The following USH2A variants were observed in gnomAD, a reference collection of about 807,000 sequenced individuals.
The protein encoded by USH2A is Usher syndrome 2A (autosomal recessive, mild).
A neutral mutation model predicts 538.9 loss-of-function variants in USH2A; 443 were observed. The ratio of observed to expected loss-of-function variants is 0.82; its 90% confidence interval spans 0.76 to 0.89. The LOEUF (loss-of-function observed/expected upper bound fraction) is 0.89. Ranked by LOEUF, USH2A falls within the 40% of genes least tolerant of loss-of-function variation. USH2A has a pLI of 0.00. For synonymous variants in USH2A, 2,413 were observed against 2,273.5 expected (o/e 1.06, Z -1.75); for missense variants, 6,633 against 6,324.8 (o/e 1.05, Z -1.65).
chr1:215,973,585 G>C (rs1215091723), intron 35 of USH2A, among the ~76,000 whole-genome samples: 1 of 150,944 alleles, frequency 6.6e-6, no homozygotes, highest in African/African-American at 2.4e-5. Flanking sequence ...ACCAATTCTT[G>C]TGTCATTGTT....
intron 4 of USH2A, among the ~76,000 whole-genome samples, chr1:216,350,635 A>G (rs1193237132): frequency 1.3e-5 from 2 of 152,078 alleles, no homozygotes; most frequent in African/African-American, 4.8e-5. Flanking sequence ...TATCCAGGGC[A>G]CATTGGTGGG....
Position 216,196,694 on chromosome 1 carries a change from G to A in USH2A, c.4110C>T (p.Val1370=). Residue 1370 remains valine (V), a synonymous_variant, in exon 19 of 72, where the codon GTC becomes GTT. Transcript: ENST00000307340. ...TGAGAGAGTACGAAGAGAGGGGAAAGACTGAAGGAGGGATCATGAATACAG... is the reference window on the plus strand; with the variant it reads ...TGAGAGAGTACGAAGAGAGGGGAAAAACTGAAGGAGGGATCATGAATACAG... ...SAPVFMIPPS[V]FPLSSYSLNI... 1 of 1,613,316 alleles carries A rather than the reference G, an allele frequency of 6.2e-7. No individual in the cohort carries two copies. Among genetic ancestry groups the A allele is most frequent in the Non-Finnish European group, 8.5e-7 (1 of 1,179,590 alleles).
At chr1:215,846,999 A>G (rs1571743827) in intron 44 of USH2A, among the ~76,000 whole-genome samples, 1 of 152,314 alleles carries the variant, frequency 6.6e-6, no homozygotes, top group Non-Finnish European at 1.5e-5. Flanking sequence ...ATGTGTTTCT[A>G]TAATGTAGAG....
rs1663579318 is a variant in USH2A at position 215,838,046 on chromosome 1, C to T, written c.9316G>A (p.Val3106Met). The change falls in exon 47 of 72, where the codon GTG (valine) becomes ATG (methionine). Residue 3106 changes from valine to methionine, a missense_variant. Coordinates refer to ENST00000307340, the MANE Select transcript of USH2A (RefSeq NM_206933.4). ...VKSNGTQITT[V>M]EDTPSDIPTP... ...GGTATATCACTTGGAGTGTCTTCCA[C>T]AGTGGTAATTTGGGTTCCATTGCTT... 6.2e-7 allele frequency: 1 copy of T among 1,613,920 alleles called. No individual in the cohort carries two copies. Among genetic ancestry groups the T allele is most frequent in the Non-Finnish European group, 8.5e-7 (1 of 1,179,960 alleles).
chr1:216,246,792 A>G lies in USH2A; in HGVS notation c.2602T>C (p.Cys868Arg). The stretch of plus-strand genomic sequence containing the variant: ...CCTGTTACCCCTAATTTGCAAGGAC[A>G]TTGTCCTGTTGATTTGTTACACAGC... The part of the protein sequence containing the change: ...SLLCNKSTGQ[C>R]PCKLGVTGLR... The change falls in exon 13 of 72, where the codon TGT (cysteine) becomes CGT (arginine). Residue 868 changes from cysteine to arginine, a missense_variant. Transcript: ENST00000307340. 1.9e-6 allele frequency: 3 copies of G among 1,614,132 alleles called. No homozygotes were observed.
At chr1:215,629,870 G>T (rs1004145692) in intron 70 of USH2A, among the ~76,000 whole-genome samples, 4 of 150,072 alleles carry the variant, frequency 2.7e-5, no homozygotes, top group African/African-American at 4.9e-5. Flanking sequence ...CCGCCTCCCG[G>T]GTTCACGCCA....
chr1:216,298,544 G>C (rs548316004), intron 9 of USH2A, among the ~76,000 whole-genome samples: 13 of 152,214 alleles, frequency 8.5e-5, no homozygotes, highest in African/African-American at 2.9e-4. Flanking sequence ...AATGGTTCTG[G>C]TCCTGCCAAA....
At chr1:216,402,751 G>T (rs1036909920) in intron 3 of USH2A, among the ~76,000 whole-genome samples, 2 of 151,996 alleles carry the variant, frequency 1.3e-5, no homozygotes, top group Admixed American at 1.3e-4. Flanking sequence ...TACATTTTGG[G>T]GTGGTCAAAA....
Position 215,674,292 on chromosome 1 carries a change from A to G in USH2A, c.13619T>C (p.Leu4540Ser). The G allele has an allele frequency of 6.2e-7, 1 of 1,614,088 alleles. No homozygotes were observed. The highest frequency in any genetic ancestry group is 8.5e-7 in the Non-Finnish European group (1 of 1,179,988). The change falls in exon 63 of 72, where the codon TTG becomes TCG. Residue 4540 changes from leucine (L) to serine (S), a missense_variant. Physicochemically the swap from Leu to Ser is moderately radical, Grantham distance 145. Transcript: ENST00000307340. ...SAPSGMEPPK[L>S]QARGPQEILV... ...GATCTCCTGAGGACCCCTGGCCTGC[A>G]ATTTTGGAGGTTCCATCCCTGAGGG...
intron 47 of USH2A, among the ~76,000 whole-genome samples, chr1:215,825,609 T>C (rs1663129475): frequency 6.6e-6 from 1 of 152,180 alleles, no homozygotes. Flanking sequence ...ACCTAAATTG[T>C]TATGGATTAA....
chr1:216,153,303 A>G (rs576844800), intron 21 of USH2A, among the ~76,000 whole-genome samples: 4 of 152,192 alleles, frequency 2.6e-5, no homozygotes, highest in African/African-American at 9.6e-5. Flanking sequence ...GGGAGTCACA[A>G]GCACCCACCC....
chr1:215,682,491 C>T (rs1283829866), intron 61 of USH2A, among the ~76,000 whole-genome samples: 1 of 152,020 alleles, frequency 6.6e-6, no homozygotes, highest in African/African-American at 2.4e-5. Flanking sequence ...TTCAGTCATC[C>T]AACACACTCC....
chr1:216,397,879 G>A (rs2039240329), intron 3 of USH2A, among the ~76,000 whole-genome samples: 1 of 152,146 alleles, frequency 6.6e-6, no homozygotes, highest in Admixed American at 6.6e-5. Flanking sequence ...ATAATGATGT[G>A]AGCAAATTCT....
Position 215,829,330 on chromosome 1 carries a change from T to A in USH2A, c.9371+8661A>T, listed in dbSNP as rs1663247986. 2.0e-5 allele frequency among the ~76,000 whole-genome samples: 3 copies of A among 152,152 alleles called. No individual in the cohort carries two copies. In the South Asian group the frequency reaches 6.2e-4, roughly 31 times the overall value. On this transcript the variant is annotated intron_variant, in intron 47 of 71. Transcript: ENST00000307340. The stretch of plus-strand genomic sequence containing the variant: ...TGAAGATGTAGTCAAAAACAAGGCA[T>A]AAGTTAAGGCCAAAGACAAAGATGA...
chr1:216,232,377 GCAATATTTCAATATTT>G (rs1291134192), intron 13 of USH2A, among the ~76,000 whole-genome samples: 2 of 152,062 alleles, frequency 1.3e-5, no homozygotes, highest in Non-Finnish European at 2.9e-5. Context: ...AATCTACCAT[GCAATATTTCAATATTT>G]CTACAAAAAA....
At chr1:216,201,693 G>C (rs2035004701) in intron 16 of USH2A, 1 of 207,754 alleles carries the variant, frequency 4.8e-6, no homozygotes, top group African/African-American at 2.3e-5. Flanking sequence ...GGTGTTGTGG[G>C]GGGCACCTTG....
chr1:215,717,251 A>C (rs746567229), intron 61 of USH2A, among the ~76,000 whole-genome samples: 1 of 152,204 alleles, frequency 6.6e-6, no homozygotes, highest in Non-Finnish European at 1.5e-5. Context: ...AGTGCCGCCA[A>C]AAAGATAGTC....
intron 3 of USH2A, among the ~76,000 whole-genome samples, chr1:216,377,869 A>AAGAAAGAG (rs2038863871): frequency 7.0e-6 from 1 of 143,420 alleles, no homozygotes; most frequent in African/African-American, 2.5e-5. Flanking sequence ...GAAAGAAAGA[A>AAGAAAGAG]GGAAAGAAAG....
At chr1:215,861,444 T>G (rs1664309581) in intron 44 of USH2A, among the ~76,000 whole-genome samples, 1 of 152,216 alleles carries the variant, frequency 6.6e-6, no homozygotes, top group African/African-American at 2.4e-5. Flanking sequence ...TTAATTTGTA[T>G]CTCATGTAAT....
Sources: gnomAD v4.1 joint callset for allele counts (sites outside exome capture counted in the v4.1 genomes callset) on GRCh38, gnomAD v4.1.1 for gene constraint, MANE v1.5 for transcripts, NCBI Gene and HGNC (gene_info 2026-07-23, HGNC 2026-07-21) for gene names.